Variants in FRS2 observed in about 807,000 individuals in gnomAD.
FRS2 encodes the protein FGFR signalling adaptor.
In FRS2, 8 loss-of-function variants were observed where a neutral mutation model predicts 43.9. The observed-to-expected ratio is 0.18, with a 90% CI of 0.11 to 0.33. The LOEUF (loss-of-function observed/expected upper bound fraction) is 0.33, where lower values mean the gene tolerates loss of function less well. Ranked by LOEUF, FRS2 falls within the 10% of genes least tolerant of loss-of-function variation. The pLI, the probability that FRS2 is intolerant of heterozygous loss-of-function variation, is 1.00. For missense variants in FRS2, 534 were observed against 627.6 expected (o/e 0.85, Z 1.59); for synonymous variants, 219 against 220.3 (o/e 0.99, Z 0.05).
chr12:69,567,086 T>C (rs891408315), intron 4 of FRS2, among the ~76,000 whole-genome samples: 2 of 152,186 alleles, frequency 1.3e-5, no homozygotes, highest in Non-Finnish European at 2.9e-5. Flanking sequence ...AGAAAGTTAG[T>C]TGTTCCCTTT....
intron 1 of FRS2, among the ~76,000 whole-genome samples, chr12:69,513,725 C>T (rs1437971416): frequency 1.3e-5 from 2 of 152,056 alleles, no homozygotes; most frequent in African/African-American, 4.8e-5. Context: ...CTAAAAATGA[C>T]CCTTGGGGGT....
chr12:69,554,334 A>C (rs1436321217), intron 3 of FRS2, among the ~76,000 whole-genome samples: 1 of 152,154 alleles, frequency 6.6e-6, no homozygotes, highest in Non-Finnish European at 1.5e-5. Context: ...GTGTTCATCT[A>C]GTCTCTTTTT....
chr12:69,479,812 C>CTAGGTTT lies in FRS2; in HGVS notation c.-261+9284_-261+9290dup, dbSNP rs568820951. ...TTTTATTTATCGTGCTTGGTATTAA[C>CTAGGTTT]TAGGTTTTCAAATCTGAAGATTAGT... On this transcript the variant is annotated intron_variant, in intron 1 of 8. Transcript: ENST00000549921. Among the ~76,000 whole-genome samples, 48 of 152,234 alleles carry CTAGGTTT rather than the reference C, an allele frequency of 3.2e-4. No homozygotes were observed. The East Asian group carries it at 7.5e-3, about 24-fold the overall frequency.
chr12:69,474,599 C>G (rs1161789872), intron 1 of FRS2, among the ~76,000 whole-genome samples: 1 of 152,170 alleles, frequency 6.6e-6, no homozygotes, highest in Admixed American at 6.5e-5. Context: ...TTGGGAAATA[C>G]AGTTTTCTTG....
Position 69,574,405 on chromosome 12 carries a change from C to T in FRS2, c.977C>T (p.Thr326Ile), listed in dbSNP as rs1387427153. ...TCAGGGGTCAGGAGAGGTCGTCTGA[C>T]ATCCACCAGTACCTCAGATACCCAG... ...SASGVRRGRL[T>I]STSTSDTQNI... Residue 326 changes from threonine to isoleucine, a missense_variant, in exon 9 of 9, where the codon ACA becomes ATA. Physicochemically the swap from Thr to Ile is moderately conservative, Grantham distance 89. Coordinates refer to ENST00000549921, the MANE Select transcript of FRS2 (RefSeq NM_001278356.2). The T allele has an allele frequency of 6.2e-7, 1 of 1,613,872 alleles. No homozygotes were observed. The highest frequency in any genetic ancestry group is 1.1e-5 in the South Asian group (1 of 91,072).
In FRS2 at chr12:69,557,619, T is replaced by TGC. The variant is rs529133007; in HGVS notation, c.-121-4544_-121-4543dup. ...TTGTGTGTGTGTGTGTGTGTGTGTG[T>TGC]GCGCGCGCGCGCGCGCGCAGGTGCA... On this transcript the variant is annotated intron_variant, in intron 3 of 8. Transcript: ENST00000549921. 1.6e-3 allele frequency among the ~76,000 whole-genome samples: 196 copies of TGC among 119,022 alleles called. 2 individuals are homozygous for TGC. The highest frequency in any genetic ancestry group is 0.013 in the Middle Eastern group (3 of 236). The allele number at this position is 119,022 out of a possible 152,430, so 78.1% of individuals were successfully genotyped here. A position where few individuals can be genotyped will look rare whatever the true frequency, so the allele number is the denominator to read the frequency against.
chr12:69,479,158 G>C (rs1443082681), intron 1 of FRS2, among the ~76,000 whole-genome samples: 1 of 151,936 alleles, frequency 6.6e-6, no homozygotes, highest in Non-Finnish European at 1.5e-5. Context: ...TTCTTTGTGT[G>C]AAGTACATCT....
intron 3 of FRS2, among the ~76,000 whole-genome samples, chr12:69,556,271 A>G (rs1040657086): frequency 2.0e-5 from 3 of 152,202 alleles, no homozygotes; most frequent in Non-Finnish European, 4.4e-5. Flanking sequence ...GATTTATAGT[A>G]AATTGTGCTT....
In FRS2 at chr12:69,576,320, G is replaced by C. The variant is rs12300911; in HGVS notation, c.*1365G>C. 6.6e-6 allele frequency: 1 copy of C among 152,014 alleles called. No homozygotes were observed. The highest frequency in any genetic ancestry group is 1.5e-5 in the Non-Finnish European group (1 of 67,998). The allele number at this position is 152,014 out of a possible 1,614,324, so 9.4% of individuals were successfully genotyped here. A position where few individuals can be genotyped will look rare whatever the true frequency, so the allele number is the denominator to read the frequency against. On this transcript the variant is annotated 3_prime_UTR_variant, in exon 9 of 9. Coordinates refer to ENST00000549921, the MANE Select transcript of FRS2 (RefSeq NM_001278356.2). The stretch of plus-strand genomic sequence containing the variant: ...ATTAATATTGTTGCCAGCATAGCAG[G>C]TACAGTGGAAGTCTTGTAGCAGTGA...
intron 1 of FRS2, among the ~76,000 whole-genome samples, chr12:69,492,446 G>A (rs1872563587): frequency 1.3e-5 from 2 of 152,142 alleles, no homozygotes; most frequent in South Asian, 4.2e-4. Context: ...ATGAAAAGTG[G>A]AAATGGCTGT....
intron 1 of FRS2, among the ~76,000 whole-genome samples, chr12:69,505,938 C>T (rs1399721071): frequency 6.6e-6 from 1 of 152,086 alleles, no homozygotes; most frequent in African/African-American, 2.4e-5. Context: ...GCAATCCACC[C>T]CCGACCACCA....
chr12:69,478,724 A>G (rs993000988), intron 1 of FRS2, among the ~76,000 whole-genome samples: 10 of 146,328 alleles, frequency 6.8e-5, no homozygotes, highest in Admixed American at 2.7e-4. Context: ...ATACATCATT[A>G]TGTGTGTGTG....
chr12:69,511,092 A>T (rs567054848), intron 1 of FRS2, among the ~76,000 whole-genome samples: 1 of 152,214 alleles, frequency 6.6e-6, no homozygotes, highest in African/African-American at 2.4e-5. Flanking sequence ...TTTGAATGGC[A>T]GTGCCAGTAC....
At position 69,575,555 on chromosome 12, in the gene FRS2, T is replaced by C. The variant is rs1227473490; in HGVS notation, c.*600T>C. 6.6e-6 allele frequency: 1 copy of C among 152,644 alleles called. No individual in the cohort carries two copies. The highest frequency in any genetic ancestry group is 1.5e-5 in the Non-Finnish European group (1 of 68,096). The allele number at this position is 152,644 out of a possible 1,614,324, so 9.5% of individuals were successfully genotyped here. On this transcript the variant is annotated 3_prime_UTR_variant, in exon 9 of 9. Coordinates refer to ENST00000549921, the MANE Select transcript of FRS2 (RefSeq NM_001278356.2). ...GCGGCCTGTGTCCATGAGTGTGCTT[T>C]GCTGTTGGTGCACTGAAAGGCAGGA... is the stretch of plus-strand genomic sequence containing the variant.
At chr12:69,526,489 T>TA (rs1255894791) in intron 1 of FRS2, among the ~76,000 whole-genome samples, 1 of 152,172 alleles carries the variant, frequency 6.6e-6, no homozygotes, top group Non-Finnish European at 1.5e-5. Flanking sequence ...ATGACACTTA[T>TA]AAAATCAGAT....
intron 3 of FRS2, among the ~76,000 whole-genome samples, chr12:69,538,448 A>AG (rs1877555659): frequency 6.6e-6 from 1 of 151,900 alleles, no homozygotes; most frequent in Non-Finnish European, 1.5e-5. Context: ...AGTTTGGTAA[A>AG]TTCATGCCTT....
chr12:69,557,608 G>T (rs1879476436), intron 3 of FRS2, among the ~76,000 whole-genome samples: 1 of 124,574 alleles, frequency 8.0e-6, no homozygotes. Flanking sequence ...GTGTGTGTGT[G>T]TGTGTGTGTG....
Position 69,579,613 on chromosome 12 carries a change from G to A in FRS2, c.*4658G>A, listed in dbSNP as rs1020197869. The A allele has an allele frequency of 2.0e-5, 3 of 152,164 alleles. No homozygotes were observed. The highest frequency in any genetic ancestry group is 7.2e-5 in the African/African-American group (3 of 41,436). 9.4% of individuals were successfully genotyped at this position (152,164 alleles called of 1,614,324 possible). The stretch of plus-strand genomic sequence containing the variant: ...TCATTCTAGCATAAATATCCATAAT[G>A]AGGTACTCAAGTTGATACTGGAAGC... On this transcript the variant is annotated 3_prime_UTR_variant, in exon 9 of 9. Coordinates refer to ENST00000549921, the MANE Select transcript of FRS2 (RefSeq NM_001278356.2).
chr12:69,520,376 G>GTTTT (rs112572825), intron 1 of FRS2, among the ~76,000 whole-genome samples: 36 of 110,026 alleles, frequency 3.3e-4, no homozygotes, highest in Admixed American at 1.2e-3. Flanking sequence ...TCTATTATTA[G>GTTTT]TTTTTTTTTT....
Sources: allele counts gnomAD v4.1 joint callset (sites outside exome capture counted in the v4.1 genomes callset), GRCh38; gene constraint gnomAD v4.1.1; transcripts MANE v1.5; gene names NCBI Gene and HGNC (gene_info 2026-07-23, HGNC 2026-07-21).